Variants in PTPRM observed in about 807,000 individuals in gnomAD.
PTPRM encodes protein tyrosine phosphatase receptor type M.
A neutral mutation model predicts 186.7 loss-of-function variants in PTPRM; 47 were observed. The ratio of observed to expected loss-of-function variants is 0.25; its 90% CI spans 0.20 to 0.32. The LOEUF is 0.32. Among genes scored for constraint, PTPRM ranks in the 10% least tolerant of loss-of-function variants. PTPRM has a pLI of 1.00. For synonymous variants in PTPRM, 668 were observed against 674.9 expected (o/e 0.99, Z 0.16); for missense variants, 1,494 against 1,865.0 (o/e 0.80, Z 3.66).
intron 14 of PTPRM, among the ~76,000 whole-genome samples, chr18:8,181,493 T>A (rs2093574206): frequency 6.6e-6 from 1 of 152,112 alleles, no homozygotes; most frequent in South Asian, 2.1e-4. Flanking sequence ...AGACGAGCTA[T>A]CCATCCTGAG....
chr18:7,760,849 A>G (rs1346063640), intron 1 of PTPRM, among the ~76,000 whole-genome samples: 1 of 151,988 alleles, frequency 6.6e-6, no homozygotes, highest in East Asian at 1.9e-4. Context: ...CTGGTGGCAA[A>G]TCTACATTCT....
chr18:7,917,699 A>G lies in PTPRM; in HGVS notation c.548-8869A>G, dbSNP rs116182215. Among the ~76,000 whole-genome samples, 786 of 152,274 alleles carry G rather than the reference A, an allele frequency of 5.2e-3. 10 individuals are homozygous for G. The highest frequency in any genetic ancestry group is 0.018 in the African/African-American group (750 of 41,552). ...TGCTAGAAAAATTTGAATTGTTACTATCTTCTAGATATTTTGAAATATACA... is the reference window on the plus strand; with the variant it reads ...TGCTAGAAAAATTTGAATTGTTACTGTCTTCTAGATATTTTGAAATATACA... On this transcript the variant is annotated intron_variant, in intron 4 of 32. Coordinates refer to ENST00000580170, the MANE Select transcript of PTPRM (RefSeq NM_001105244.2).
chr18:8,129,779 A>G (rs1004869547), intron 13 of PTPRM, among the ~76,000 whole-genome samples: 12 of 152,216 alleles, frequency 7.9e-5, no homozygotes, highest in African/African-American at 2.9e-4. Context: ...GATGTAGAGG[A>G]GGCAACAGAT....
chr18:7,786,929 G>C (rs2043122750), intron 2 of PTPRM, among the ~76,000 whole-genome samples: 1 of 152,206 alleles, frequency 6.6e-6, no homozygotes, highest in Non-Finnish European at 1.5e-5. Flanking sequence ...ATGTGAATTT[G>C]TTACTTGGGC....
chr18:7,914,776 C>G (rs1228159873), intron 4 of PTPRM, among the ~76,000 whole-genome samples: 2 of 152,080 alleles, frequency 1.3e-5, no homozygotes, highest in Non-Finnish European at 2.9e-5. Context: ...TATATTGGTT[C>G]TCAGCGTTAG....
intron 3 of PTPRM, among the ~76,000 whole-genome samples, chr18:7,900,376 C>T (rs948713456): frequency 1.3e-5 from 2 of 152,096 alleles, no homozygotes; most frequent in African/African-American, 4.8e-5. Flanking sequence ...AGCTTGTGAG[C>T]GATATAAAAA....
chr18:8,300,935 C>T (rs11664040), intron 20 of PTPRM, among the ~76,000 whole-genome samples: 3 of 152,166 alleles, frequency 2.0e-5, no homozygotes, highest in Non-Finnish European at 4.4e-5. Context: ...TAATGACCCA[C>T]GCATACATCA....
intron 7 of PTPRM, among the ~76,000 whole-genome samples, chr18:8,064,480 GA>G (rs1323069573): frequency 6.6e-6 from 1 of 151,886 alleles, no homozygotes; most frequent in Non-Finnish European, 1.5e-5. Flanking sequence ...ATTTTTTGAA[GA>G]AAAACAGATT....
chr18:7,866,817 A>G (rs529488777), intron 2 of PTPRM, among the ~76,000 whole-genome samples: 34 of 152,262 alleles, frequency 2.2e-4, no homozygotes, highest in African/African-American at 8.2e-4. Flanking sequence ...ACTGTGTAGG[A>G]GTCTAAGTCT....
chr18:7,777,033 T>TA (rs2042621200), intron 2 of PTPRM, among the ~76,000 whole-genome samples: 1 of 152,198 alleles, frequency 6.6e-6, no homozygotes, highest in Non-Finnish European at 1.5e-5. Flanking sequence ...TTTCAAAAAC[T>TA]GATTCCAAGG....
intron 7 of PTPRM, among the ~76,000 whole-genome samples, chr18:7,976,345 A>G (rs910034268): frequency 1.3e-5 from 2 of 152,180 alleles, no homozygotes; most frequent in Non-Finnish European, 2.9e-5. Context: ...TTTTTCAGGT[A>G]GTGAAATTAT....
Position 7,999,615 on chromosome 18 carries a change from T to A in PTPRM, c.1132+44201T>A, listed in dbSNP as rs75419892. On this transcript the variant is annotated intron_variant, in intron 7 of 32. Transcript: ENST00000580170. ...TTGTTTAGGAGATAGTGGTAAGGTATTAGGTTGGTGCAAAATTGACAATGG... is the reference window on the plus strand; with the variant it reads ...TTGTTTAGGAGATAGTGGTAAGGTAATAGGTTGGTGCAAAATTGACAATGG... Among the ~76,000 whole-genome samples, 1,231 of 151,858 alleles carry A rather than the reference T, an allele frequency of 8.1e-3. 7 individuals carry two copies. The highest frequency in any genetic ancestry group is 0.014 in the Non-Finnish European group (977 of 67,946).
At chr18:7,669,941 A>C (rs1360810530) in intron 1 of PTPRM, among the ~76,000 whole-genome samples, 1 of 151,932 alleles carries the variant, frequency 6.6e-6, no homozygotes, top group Admixed American at 6.6e-5. Flanking sequence ...AAAGGGTTTC[A>C]CAATATTGGC....
intron 1 of PTPRM, among the ~76,000 whole-genome samples, chr18:7,605,419 T>TCCCCCCC (rs10654388): frequency 4.0e-5 from 6 of 149,656 alleles, no homozygotes; most frequent in African/African-American, 1.5e-4. Flanking sequence ...AGCAAAAATG[T>TCCCCCCC]CCCCCCCCCA....
chr18:8,088,685 G>T, intron 10 of PTPRM, 64 bp from the exon 11 acceptor site: 2 of 1,326,274 alleles, frequency 1.5e-6, no homozygotes, highest in South Asian at 2.4e-5. Flanking sequence ...AAAAGAAAGT[G>T]GAAACTAAAC....
intron 1 of PTPRM, among the ~76,000 whole-genome samples, chr18:7,687,995 C>G (rs2039645343): frequency 6.6e-6 from 1 of 152,076 alleles, no homozygotes; most frequent in South Asian, 2.1e-4. Flanking sequence ...CCAGGATGGT[C>G]TCGATCTCTT....
chr18:7,809,328 G>A (rs1598824751), intron 2 of PTPRM, among the ~76,000 whole-genome samples: 1 of 152,168 alleles, frequency 6.6e-6, no homozygotes. Context: ...AGGGCTCCAT[G>A]AGTTAGTTCA....
Position 8,278,765 on chromosome 18 carries a change from C to T in PTPRM, c.2755-17603C>T, listed in dbSNP as rs574003281. Among the ~76,000 whole-genome samples, 5 of 152,246 alleles carry T rather than the reference C, an allele frequency of 3.3e-5. No individual in the cohort carries two copies. In the South Asian group the frequency reaches 1.0e-3, roughly 32 times the overall value. ...GCAAGAGGGAGGGTCGCCTTGGATG[C>T]TCTGCTACAAGTCTGCGTATCCCAA... On this transcript the variant is annotated intron_variant, in intron 19 of 32. Transcript: ENST00000580170.
chr18:7,668,747 C>G lies in PTPRM; in HGVS notation c.73+100856C>G, dbSNP rs2039152834. Among the ~76,000 whole-genome samples the G allele has an allele frequency of 6.6e-6, 1 of 152,204 alleles. No homozygotes were observed. Among genetic ancestry groups the G allele is most frequent in the Admixed American group, 6.5e-5 (1 of 15,280 alleles). The stretch of plus-strand genomic sequence containing the variant: ...CTAGTGTCAACTTCTCAGCAAGGCT[C>G]ACCCTGGCCACTGCCACAGAACTGC... On this transcript the variant is annotated intron_variant, in intron 1 of 32. Transcript: ENST00000580170. The surrounding 1 kb of genome is among the most constrained non-coding windows in gnomAD (Gnocchi z 4.7).
Sources: allele counts gnomAD v4.1 joint callset (sites outside exome capture counted in the v4.1 genomes callset), GRCh38; gene constraint gnomAD v4.1.1; non-coding constraint Gnocchi (gnomAD v3.1); transcripts MANE v1.5; gene names NCBI Gene and HGNC (gene_info 2026-07-23, HGNC 2026-07-21).